Variants in DEAF1 observed in about 807,000 individuals in gnomAD.
DEAF1 encodes the protein deformed epidermal autoregulatory factor 1 homolog.
Under a neutral mutation model 58.9 loss-of-function variants are expected in DEAF1, and 53 were observed. That is an observed-to-expected ratio of 0.90 (90% CI 0.72 to 1.13). DEAF1 has a LOEUF of 1.13. DEAF1 is among the 50% of genes most tolerant of loss of function. The pLI, the probability that DEAF1 is intolerant of heterozygous loss-of-function variation, is 0.00. For missense variants in DEAF1, 685 were observed against 791.4 expected (o/e 0.87, Z 1.61); for synonymous variants, 385 against 340.4 (o/e 1.13, Z -1.44).
intron 10 of DEAF1, among the ~76,000 whole-genome samples, chr11:669,527 T>C (rs1240765044): frequency 1.3e-5 from 2 of 151,916 alleles, no homozygotes; most frequent in East Asian, 3.9e-4. Context: ...TCTCAGCTAC[T>C]TGAGAGGCTG....
intron 1 of DEAF1, chr11:700,683 C>T (rs1313914076): frequency 1.9e-6 from 3 of 1,613,990 alleles, no homozygotes; most frequent in South Asian, 1.1e-5. Context: ...GATGGGGATT[C>T]TAGAAGCAGT....
At chr11:702,943 A>G (rs755408309) in intron 1 of DEAF1, 1 of 1,604,348 alleles carries the variant, frequency 6.2e-7, no homozygotes, top group Non-Finnish European at 8.5e-7. Flanking sequence ...TCTGTTCTCC[A>G]GGCACCAGGG....
At chr11:653,169 A>G (rs1023437698) in intron 11 of DEAF1, among the ~76,000 whole-genome samples, 8 of 152,102 alleles carry the variant, frequency 5.3e-5, no homozygotes, top group African/African-American at 1.7e-4. Flanking sequence ...ACAATCCTGA[A>G]CTACCGTTTG....
intron 1 of DEAF1, among the ~76,000 whole-genome samples, chr11:692,567 T>C (rs1427585422): frequency 6.6e-6 from 1 of 152,194 alleles, no homozygotes; most frequent in East Asian, 1.9e-4. Flanking sequence ...AAATGCCTGT[T>C]TGCAGCCGGG....
chr11:686,742 G>A (rs1860609771), intron 5 of DEAF1, 116 bp downstream of exon 5: 2 of 1,395,556 alleles, frequency 1.4e-6, no homozygotes, highest in Non-Finnish European at 2.0e-6. Flanking sequence ...AGCAGGTGGA[G>A]GCTGCAAACC....
At chr11:658,453 A>G (rs769212705) in intron 10 of DEAF1, among the ~76,000 whole-genome samples, 1 of 152,384 alleles carries the variant, frequency 6.6e-6, no homozygotes, top group Middle Eastern at 3.4e-3. Context: ...AAAACCATTC[A>G]TTACTGCGGA....
chr11:694,957 C>G lies in DEAF1; in HGVS notation c.91G>C (p.Ala31Pro). The G allele has an allele frequency of 8.4e-7, 1 of 1,187,662 alleles. No homozygotes were observed. Among genetic ancestry groups the G allele is most frequent in the Non-Finnish European group, 1.0e-6 (1 of 960,514 alleles). 73.6% of individuals were successfully genotyped at this position (1,187,662 alleles called of 1,614,324 possible). ...AAAAVAAAAA[A>P]AAGGEAEEPV... Reference sequence around the variant, plus strand: ...TCCTCCGCCTCGCCTCCTGCCGCGGCCGCGGCCGCCGCCGCCACAGCGGCC... The same window carrying G: ...TCCTCCGCCTCGCCTCCTGCCGCGGGCGCGGCCGCCGCCGCCACAGCGGCC... Residue 31 changes from alanine (A) to proline (P), a missense_variant, in exon 1 of 12, where the codon GCC becomes CCC. Around this residue, in one of 3 missense-constraint regions of DEAF1, gnomAD observed 210 missense variants for 177.3 expected, o/e 1.18. Coordinates refer to ENST00000382409, the MANE Select transcript of DEAF1 (RefSeq NM_021008.4).
At chr11:704,682 A>C in intron 1 of DEAF1, 1 of 1,276,128 alleles carries the variant, frequency 7.8e-7, no homozygotes, top group Non-Finnish European at 1.0e-6. Flanking sequence ...CGAGCACACA[A>C]AGGCAGTGGT....
At chr11:654,786 T>C in intron 10 of DEAF1, 1 of 381,640 alleles carries the variant, frequency 2.6e-6, no homozygotes, top group South Asian at 1.9e-5. Flanking sequence ...GGAGAATAGC[T>C]TGCACCCAGG....
chr11:694,998 G>T lies in DEAF1; in HGVS notation c.50C>A (p.Ala17Glu). 1 of 1,202,676 alleles carries T rather than the reference G, an allele frequency of 8.3e-7. No individual in the cohort carries two copies. Among genetic ancestry groups the T allele is most frequent in the East Asian group, 4.1e-5 (1 of 24,294 alleles). 74.5% of individuals were successfully genotyped at this position (1,202,676 alleles called of 1,614,324 possible). Residue 17 changes from alanine to glutamate, a missense_variant, in exon 1 of 12, where the codon GCG (alanine) becomes GAG (glutamate). Ala to Glu is a moderately radical substitution (Grantham distance 107). Coordinates refer to ENST00000382409, the MANE Select transcript of DEAF1 (RefSeq NM_021008.4). ...AAKQLGLAEA[A>E]AVAAAAAVAA... is the part of the protein sequence containing the mutation. ...CACAGCGGCCGCGGCCGCCACCGCC[G>T]CCGCCTCAGCCAGGCCCAGCTGCTT...
intron 1 of DEAF1, chr11:702,903 G>T: frequency 1.9e-6 from 3 of 1,550,836 alleles, no homozygotes; most frequent in Non-Finnish European, 2.6e-6. Flanking sequence ...GCTCCAGGGA[G>T]CGCCTCGCAC....
chr11:653,912 G>T, intron 11 of DEAF1, 50 bp downstream of exon 11: 1 of 1,558,556 alleles, frequency 6.4e-7, no homozygotes, highest in Non-Finnish European at 8.8e-7. Flanking sequence ...AGGGGTCTTC[G>T]TAGCGAGGGA....
chr11:702,839 A>T, intron 1 of DEAF1: 1 of 1,113,260 alleles, frequency 9.0e-7, no homozygotes, highest in South Asian at 1.7e-5. Context: ...GGAGGAACGT[A>T]GGGCAAGGAG....
At chr11:654,825 C>T (rs1217032851) in intron 10 of DEAF1, among the ~76,000 whole-genome samples, 1 of 151,258 alleles carries the variant, frequency 6.6e-6, no homozygotes. Context: ...ACCGAGATTG[C>T]ACTACTGCAC....
intron 10 of DEAF1, among the ~76,000 whole-genome samples, chr11:656,376 G>A (rs111257108): frequency 0.21 from 32,233 of 151,494 alleles, 5,092 homozygotes; most frequent in African/African-American, 0.45. Flanking sequence ...GGCTGGTCTC[G>A]GAAACTCCTG....
At chr11:690,373 G>A (rs1342530830) in intron 2 of DEAF1, among the ~76,000 whole-genome samples, 2 of 123,482 alleles carry the variant, frequency 1.6e-5, no homozygotes, top group African/African-American at 6.1e-5. Flanking sequence ...GGGGAGGGCA[G>A]GGGAGGGGGT....
At chr11:654,176 T>TC in intron 10 of DEAF1, 125 bp from the exon 11 acceptor site, 1 of 736,974 alleles carries the variant, frequency 1.4e-6, no homozygotes, top group African/African-American at 1.9e-5. Context: ...TTTTTTTTTT[T>TC]TTTTTTTTTT....
intron 10 of DEAF1, among the ~76,000 whole-genome samples, chr11:671,856 CAAAA>C (rs1403802944): frequency 2.2e-5 from 2 of 89,098 alleles, no homozygotes; most frequent in African/African-American, 8.2e-5. Context: ...AAAAGAAACA[CAAAA>C]AACACTAATC....
At chr11:697,030 G>A (rs1420075232), upstream of DEAF1, among the ~76,000 whole-genome samples, 1 of 150,606 alleles carries the variant, frequency 6.6e-6, no homozygotes, top group Non-Finnish European at 1.5e-5. Context: ...GGGGTGGGGT[G>A]CGGAGGTTGC....
Sources: allele counts gnomAD v4.1 joint callset (sites outside exome capture counted in the v4.1 genomes callset), GRCh38; gene constraint gnomAD v4.1.1; regional missense constraint gnomAD v4.1.1; transcripts MANE v1.5; gene names NCBI Gene and HGNC (gene_info 2026-07-23, HGNC 2026-07-21).